SLC2A9: variants seen among roughly 807,000 people sequenced by gnomAD.
SLC2A9 encodes solute carrier family 2 member 9.
SLC2A9 carries 39 observed loss-of-function variants against 50.6 expected under a neutral mutation model. The observed-to-expected ratio is 0.77, with a 90% CI of 0.60 to 1.01. SLC2A9 has a LOEUF of 1.01. Ranked by LOEUF, SLC2A9 falls within the 50% of genes least tolerant of loss-of-function variation. The probability of loss-of-function intolerance (pLI) is 0.00; values close to 1 mark genes in which losing one functional copy is unlikely to be tolerated. For missense variants in SLC2A9, 686 were observed against 677.6 expected, an observed-to-expected ratio of 1.01 and a Z score of -0.14; for synonymous variants, 324 against 276.9, an observed-to-expected ratio of 1.17 and a Z score of -1.69.
chr4:9,856,884 G>T (rs1730812844), intron 10 of SLC2A9, among the ~76,000 whole-genome samples: 1 of 152,160 alleles, frequency 6.6e-6, no homozygotes, highest in Non-Finnish European at 1.5e-5. Flanking sequence ...AATACCACAT[G>T]TTCTCAATTA....
chr4:9,910,404 C>A (rs879847050), intron 7 of SLC2A9, among the ~76,000 whole-genome samples: 1 of 152,222 alleles, frequency 6.6e-6, no homozygotes, highest in Non-Finnish European at 1.5e-5. Flanking sequence ...ACAATTGCTT[C>A]CCCTTTAGAA....
intron 11 of SLC2A9, among the ~76,000 whole-genome samples, chr4:9,827,394 G>A (rs1222761546): frequency 1.3e-5 from 2 of 152,164 alleles, no homozygotes; most frequent in Non-Finnish European, 2.9e-5. Context: ...AGACTTTCTG[G>A]GTCCCAGCTG....
Position 10,018,546 on chromosome 4 carries a change from T to TGATAGATA in SLC2A9, c.249+421_249+428dup, listed in dbSNP as rs749714539. Among the ~76,000 whole-genome samples the TGATAGATA allele has an allele frequency of 8.5e-3, 1,236 of 145,402 alleles. 9 individuals carry two copies. Among genetic ancestry groups the TGATAGATA allele is most frequent in the Middle Eastern group, 0.011 (3 of 282 alleles). On this transcript the variant is annotated intron_variant, in intron 2 of 11. Transcript: ENST00000264784. ...ACAGAGTGAGACTCCATCTCAAAGA[T>TGATAGATA]GATAGATAGATAGATAGATAGATAG...
intron 3 of SLC2A9, among the ~76,000 whole-genome samples, chr4:9,792,343 GTT>G (rs58801443): frequency 1.2e-4 from 16 of 131,198 alleles, no homozygotes; most frequent in African/African-American, 3.6e-4. Flanking sequence ...CACCTGGATA[GTT>G]TTTTTTTTTT....
intron 3 of SLC2A9, among the ~76,000 whole-genome samples, chr4:9,812,300 G>C (rs1384367256): frequency 6.6e-6 from 1 of 152,102 alleles, no homozygotes; most frequent in African/African-American, 2.4e-5. Flanking sequence ...GCAACTCCTG[G>C]AGATTTAGCC....
chr4:9,797,408 A>G (rs566885270), downstream of SLC2A9, among the ~76,000 whole-genome samples: 1 of 152,274 alleles, frequency 6.6e-6, no homozygotes, highest in East Asian at 1.9e-4. Context: ...TCTTTGCATG[A>G]CCACTCTGGA....
intron 4 of SLC2A9, among the ~76,000 whole-genome samples, 192 bp downstream of exon 4, chr4:9,985,477 A>T (rs911255065): frequency 6.6e-6 from 1 of 152,174 alleles, no homozygotes; most frequent in Non-Finnish European, 1.5e-5. Context: ...ATTAGGGGCT[A>T]GAGCATCATG....
At chr4:9,861,656 C>T (rs1731676785) in intron 10 of SLC2A9, among the ~76,000 whole-genome samples, 1 of 152,024 alleles carries the variant, frequency 6.6e-6, no homozygotes, top group African/African-American at 2.4e-5. Flanking sequence ...CATATGGGGC[C>T]TCTATACCAA....
chr4:9,963,929 C>T (rs531998899), intron 5 of SLC2A9, among the ~76,000 whole-genome samples: 4 of 152,276 alleles, frequency 2.6e-5, no homozygotes, highest in East Asian at 1.9e-4. Flanking sequence ...ACACCCAACA[C>T]GCTTGTTAAT....
chr4:9,816,305 T>C (rs1275860033), intron 3 of SLC2A9, among the ~76,000 whole-genome samples: 3 of 152,244 alleles, frequency 2.0e-5, no homozygotes, highest in Non-Finnish European at 2.9e-5. Context: ...GTAATAGTTT[T>C]CTGCTGCTGC....
chr4:9,783,682 A>C, intron 3 of SLC2A9: 1 of 562,682 alleles, frequency 1.8e-6, no homozygotes, highest in South Asian at 2.5e-5. Flanking sequence ...AGCCTACCAG[A>C]GATGGACCAA....
chr4:9,929,348 T>G (rs1442264683), intron 6 of SLC2A9, among the ~76,000 whole-genome samples: 1 of 152,120 alleles, frequency 6.6e-6, no homozygotes, highest in Non-Finnish European at 1.5e-5. Context: ...TGGGGAGACT[T>G]CTATGGGCAA....
Position 9,967,158 on chromosome 4 carries a change from A to C in SLC2A9, c.681+13434T>G, listed in dbSNP as rs192682811. On this transcript the variant is annotated intron_variant, in intron 5 of 11. Transcript: ENST00000264784. ...GAATACATTAGTTTGAATACAATTG[A>C]GATTGTTTTTTAAAATTCATTATTA... Among the ~76,000 whole-genome samples, 389 of 152,340 alleles carry C rather than the reference A, an allele frequency of 2.6e-3. 6 individuals are homozygous for C. The highest frequency in any genetic ancestry group is 9.1e-3 in the African/African-American group (380 of 41,580).
intron 7 of SLC2A9, among the ~76,000 whole-genome samples, chr4:9,913,328 TGTGAGAGAGAGAGA>T (rs1199603603): frequency 0.013 from 1,721 of 136,598 alleles, 40 homozygotes; most frequent in African/African-American, 0.044. Flanking sequence ...TGTGTGTGTG[TGTGAGAGAGAGAGA>T]GAGAGAGAGA....
chr4:9,790,205 A>C (rs1719724772), intron 3 of SLC2A9, among the ~76,000 whole-genome samples: 1 of 152,198 alleles, frequency 6.6e-6, no homozygotes, highest in African/African-American at 2.4e-5. Context: ...GAGCTCCTTC[A>C]TGTATATTGC....
chr4:9,975,369 A>T (rs1754614941), intron 5 of SLC2A9, among the ~76,000 whole-genome samples: 1 of 152,216 alleles, frequency 6.6e-6, no homozygotes, highest in African/African-American at 2.4e-5. Flanking sequence ...AAGGGCTAAA[A>T]TCCATAATCT....
intron 6 of SLC2A9, among the ~76,000 whole-genome samples, chr4:9,921,476 A>G (rs1289214211): frequency 6.6e-6 from 1 of 152,200 alleles, no homozygotes; most frequent in Non-Finnish European, 1.5e-5. Context: ...AAAGGTGGCT[A>G]TTGTGCTGGC....
chr4:9,798,806 CGTGT>C (rs1720926925), downstream of SLC2A9: 2 of 152,140 alleles, frequency 1.3e-5, no homozygotes, highest in South Asian at 4.1e-4. Context: ...TCACAGATAA[CGTGT>C]GTGATGTTGA....
intron 4 of SLC2A9, among the ~76,000 whole-genome samples, chr4:9,982,809 A>G (rs1220414568): frequency 1.3e-5 from 2 of 152,234 alleles, no homozygotes; most frequent in African/African-American, 4.8e-5. Flanking sequence ...GTGGGGCACT[A>G]AGTGCCTGGA....
Sources: gnomAD v4.1 joint callset for allele counts (sites outside exome capture counted in the v4.1 genomes callset) on GRCh38, gnomAD v4.1.1 for gene constraint, MANE v1.5 for transcripts, NCBI Gene and HGNC (gene_info 2026-07-23, HGNC 2026-07-21) for gene names.